LUZP2: variants seen among roughly 807,000 people sequenced by gnomAD.
The protein encoded by LUZP2 is leucine zipper protein 2.
In LUZP2, 52 loss-of-function variants were observed where a neutral mutation model predicts 51.6. That is an observed-to-expected ratio of 1.01 (90% CI 0.81 to 1.27). LUZP2 has a LOEUF of 1.27. LUZP2 is among the 50% of genes most tolerant of loss of function. The pLI, the probability that LUZP2 is intolerant of heterozygous loss-of-function variation, is 0.00. For missense variants in LUZP2, 436 were observed against 395.4 expected, an observed-to-expected ratio of 1.10 and a Z score of -0.87; for synonymous variants, 154 against 137.3, an observed-to-expected ratio of 1.12 and a Z score of -0.85.
At chr11:24,988,260 A>G (rs1308638676) in intron 9 of LUZP2, among the ~76,000 whole-genome samples, 1 of 152,056 alleles carries the variant, frequency 6.6e-6, no homozygotes, top group African/African-American at 2.4e-5. Context: ...GTATGTGTTA[A>G]AGCCAATATT....
At chr11:24,979,032 A>G (rs1855953940) in intron 8 of LUZP2, among the ~76,000 whole-genome samples, 1 of 151,774 alleles carries the variant, frequency 6.6e-6, no homozygotes, top group South Asian at 2.1e-4. Flanking sequence ...TCTTTGACTG[A>G]ATGACCATGT....
chr11:24,525,505 C>A (rs1850770992), intron 1 of LUZP2, among the ~76,000 whole-genome samples: 1 of 151,392 alleles, frequency 6.6e-6, no homozygotes, highest in South Asian at 2.1e-4. Context: ...AGTTAAATTG[C>A]TGTAACGTAA....
intron 9 of LUZP2, among the ~76,000 whole-genome samples, chr11:24,983,816 AT>A (rs55772245): frequency 9.4e-4 from 137 of 146,042 alleles, no homozygotes; most frequent in African/African-American, 3.2e-3. Flanking sequence ...ATTAAATTAG[AT>A]TTTTTTTTTT....
chr11:24,650,174 G>C (rs1855584827), intron 1 of LUZP2, among the ~76,000 whole-genome samples: 1 of 151,878 alleles, frequency 6.6e-6, no homozygotes, highest in Non-Finnish European at 1.5e-5. Context: ...GATACATGCT[G>C]TACACAGATT....
In LUZP2 at chr11:24,981,647, G is replaced by A. The variant is rs77488839; in HGVS notation, c.598-1479G>A. ...ACGCTGTTACCTAACAAGGCCCAGA[G>A]GAAATGAGAGTTTTATCAGAGACAA... On this transcript the variant is annotated intron_variant, in intron 8 of 11. Transcript: ENST00000336930. Among the ~76,000 whole-genome samples the A allele has an allele frequency of 6.9e-4, 105 of 151,942 alleles. 1 individual carries two copies. Among genetic ancestry groups the A allele is most frequent in the African/African-American group, 2.5e-3 (102 of 41,500 alleles).
intron 1 of LUZP2, among the ~76,000 whole-genome samples, chr11:24,631,038 G>A (rs12278073): frequency 0.24 from 36,015 of 151,668 alleles, 4,901 homozygotes; most frequent in African/African-American, 0.37. Context: ...TTTGTACATC[G>A]ATTTTATGTC....
chr11:24,885,811 G>C (rs1441221121), intron 5 of LUZP2, among the ~76,000 whole-genome samples: 1 of 152,084 alleles, frequency 6.6e-6, no homozygotes, highest in Non-Finnish European at 1.5e-5. Flanking sequence ...CTAGATATTT[G>C]AGCTGATTCG....
chr11:25,077,591 C>T (rs1859349043), intron 11 of LUZP2, among the ~76,000 whole-genome samples, 185 bp downstream of exon 11: 1 of 151,866 alleles, frequency 6.6e-6, no homozygotes, highest in Non-Finnish European at 1.5e-5. Flanking sequence ...ACTCCACCTC[C>T]AGGGCTCACA....
At chr11:24,965,203 A>G (rs1380010168) in intron 7 of LUZP2, among the ~76,000 whole-genome samples, 2 of 150,406 alleles carry the variant, frequency 1.3e-5, no homozygotes, top group Non-Finnish European at 3.0e-5. Context: ...TCCTCTCTGC[A>G]TAATTTTCAC....
chr11:24,502,444 G>T (rs1564955732), intron 1 of LUZP2, among the ~76,000 whole-genome samples: 1 of 150,124 alleles, frequency 6.7e-6, no homozygotes, highest in East Asian at 1.9e-4. Context: ...AAGTGTAGTG[G>T]TGCCATCTCG....
At chr11:24,932,653 C>T (rs1183015026) in intron 7 of LUZP2, among the ~76,000 whole-genome samples, 1 of 152,106 alleles carries the variant, frequency 6.6e-6, no homozygotes, top group Non-Finnish European at 1.5e-5. Flanking sequence ...CTCACCATGC[C>T]CCCTCAACAT....
intron 1 of LUZP2, among the ~76,000 whole-genome samples, chr11:24,692,240 T>C (rs1857095353): frequency 1.3e-5 from 2 of 151,974 alleles, no homozygotes; most frequent in Admixed American, 1.3e-4. Flanking sequence ...TTACAGAGCT[T>C]CACAGGTTAC....
chr11:25,016,933 T>G lies in LUZP2; in HGVS notation c.766-33105T>G, dbSNP rs545644524. ...CCTTTTCATCACTTCCTTGCCGACA[T>G]CATTTTTTTTTTACTTTTTAGTAAT... is the stretch of plus-strand genomic sequence containing the variant. On this transcript the variant is annotated intron_variant, in intron 9 of 11. Coordinates refer to ENST00000336930, the MANE Select transcript of LUZP2 (RefSeq NM_001009909.4). 4.9e-5 allele frequency among the ~76,000 whole-genome samples: 6 copies of G among 122,792 alleles called. No individual in the cohort carries two copies. In the South Asian group the frequency reaches 1.6e-3, roughly 33 times the overall value. 80.6% of individuals were successfully genotyped at this position (122,792 alleles called of 152,430 possible).
At chr11:24,497,956 CAATT>C (rs1237550203) in intron 1 of LUZP2, among the ~76,000 whole-genome samples, 1 of 152,202 alleles carries the variant, frequency 6.6e-6, no homozygotes, top group Non-Finnish European at 1.5e-5. Flanking sequence ...TAGTCAGAAA[CAATT>C]AAGTACTGTA....
intron 5 of LUZP2, among the ~76,000 whole-genome samples, chr11:24,886,672 G>A (rs1464249328): frequency 1.3e-5 from 2 of 152,140 alleles, no homozygotes; most frequent in African/African-American, 2.4e-5. Flanking sequence ...GAAAGTATAC[G>A]TAATTCTGGA....
chr11:24,915,175 C>CA (rs1853753588), intron 7 of LUZP2, among the ~76,000 whole-genome samples: 1 of 152,068 alleles, frequency 6.6e-6, no homozygotes, highest in Admixed American at 6.6e-5. Context: ...ACAATACCCA[C>CA]AAAAACTGTT....
intron 9 of LUZP2, among the ~76,000 whole-genome samples, chr11:24,996,582 ATTTTATTTTATTTTATTTT>A (rs1262778713): frequency 5.0e-4 from 3 of 6,028 alleles, no homozygotes; most frequent in African/African-American, 5.2e-4. Context: ...TTTTTATTTT[ATTTTATTTTATTTTATTTT>A]ATTTTATTTT....
chr11:24,871,621 G>A (rs559048056), intron 5 of LUZP2, among the ~76,000 whole-genome samples: 20 of 152,082 alleles, frequency 1.3e-4, no homozygotes, highest in African/African-American at 4.1e-4. Flanking sequence ...CAGATTCTGA[G>A]ATATCCTTCA....
chr11:24,929,020 G>T (rs921996564), intron 7 of LUZP2, among the ~76,000 whole-genome samples: 4 of 152,048 alleles, frequency 2.6e-5, no homozygotes, highest in African/African-American at 9.7e-5. Flanking sequence ...TGCATGTAAA[G>T]GTGTTCATAG....
Sources: allele counts gnomAD v4.1 joint callset (sites outside exome capture counted in the v4.1 genomes callset), GRCh38; gene constraint gnomAD v4.1.1; transcripts MANE v1.5; gene names NCBI Gene and HGNC (gene_info 2026-07-23, HGNC 2026-07-21).